Variants in COX15 observed in about 807,000 individuals in gnomAD.
COX15 encodes the protein cytochrome c oxidase assembly factor COX15.
COX15 carries 51 observed loss-of-function variants against 51.9 expected under a neutral mutation model. The observed-to-expected ratio is 0.98, with a 90% CI of 0.78 to 1.24. The LOEUF is 1.24. Ranked by LOEUF, COX15 falls within the 50% of genes most tolerant of loss-of-function variation. The pLI is 0.00. For missense variants in COX15, 420 were observed against 501.1 expected (o/e 0.84, Z 1.55); for synonymous variants, 188 against 190.5 (o/e 0.99, Z 0.11).
At chr10:99,705,078 G>A in the COX15 span, 4 of 211,774 alleles carry the variant, frequency 1.9e-5, no homozygotes, top group Admixed American at 2.1e-4. Context: ...TACAAAGCCA[G>A]AGACATTCTA....
rs769233217 is a variant in COX15 at position 99,724,130 on chromosome 10, C to T, written c.583-7G>A. 1 of 1,613,998 alleles carries T rather than the reference C, an allele frequency of 6.2e-7. No individual in the cohort carries two copies. Among genetic ancestry groups the T allele is most frequent in the Non-Finnish European group, 8.5e-7 (1 of 1,179,954 alleles). ...TATACCATCCCAACAGACCCTAGAA[C>T]CCCCAAGAGATGAAGCAAACAAAAC... On this transcript the variant is annotated splice_region_variant and splice_polypyrimidine_tract_variant and intron_variant, in intron 4 of 8. Transcript: ENST00000016171.
chr10:99,731,301 C>G (rs1040889648), intron 1 of COX15, among the ~76,000 whole-genome samples: 9 of 152,290 alleles, frequency 5.9e-5, no homozygotes, highest in Non-Finnish European at 7.3e-5. Context: ...AGCTTTGTTT[C>G]TAACACTGTT....
chr10:99,696,184 A>T, the COX15 span: 1 of 1,567,464 alleles, frequency 6.4e-7, no homozygotes, highest in South Asian at 1.2e-5. Context: ...TATTAGGGAG[A>T]AATACTCACA....
chr10:99,718,341 C>CT lies in COX15; in HGVS notation c.987+4dup. The CT allele has an allele frequency of 6.2e-7, 1 of 1,614,138 alleles. No homozygotes were observed. The highest frequency in any genetic ancestry group is 8.5e-7 in the Non-Finnish European group (1 of 1,180,016). Reference sequence around the variant, plus strand: ...CTCTGGCAGGTAACCACCAACTACACTTACCAGAATCCGGTGATCAAACTG... The same window carrying CT: ...CTCTGGCAGGTAACCACCAACTACACTTTACCAGAATCCGGTGATCAAACTG... On this transcript the variant is annotated splice_donor_region_variant and intron_variant, in intron 7 of 8. Coordinates refer to ENST00000016171, the MANE Select transcript of COX15 (RefSeq NM_078470.6).
At chr10:99,728,863 C>T (rs1335671455) in intron 2 of COX15, among the ~76,000 whole-genome samples, 3 of 152,190 alleles carry the variant, frequency 2.0e-5, no homozygotes, top group Non-Finnish European at 4.4e-5. Flanking sequence ...AATCTATAGT[C>T]TCTTGATAGA....
intron 1 of COX15, 108 bp from the exon 2 acceptor site, chr10:99,729,842 T>C: frequency 9.2e-7 from 1 of 1,082,118 alleles, no homozygotes; most frequent in Non-Finnish European, 1.4e-6. Flanking sequence ...CCCACAGCCA[T>C]GTCTTGTTAA....
intron 4 of COX15, 80 bp downstream of exon 4, chr10:99,726,887 CA>C (rs5787356): frequency 0.029 from 26,821 of 912,310 alleles, 2 homozygotes; most frequent in East Asian, 0.037. Flanking sequence ...GACTCCGTCT[CA>C]AAAAAAAAAA....
Position 99,711,252 on chromosome 10 carries a change from A to G in COX15, c.*3335T>C. 1 of 985,394 alleles carries G rather than the reference A, an allele frequency of 1.0e-6. No homozygotes were observed. The highest frequency in any genetic ancestry group is 1.2e-6 in the Non-Finnish European group (1 of 829,914). 61.0% of individuals were successfully genotyped at this position (985,394 alleles called of 1,614,324 possible). A position where few individuals can be genotyped will look rare whatever the true frequency, so the allele number is the denominator to read the frequency against. ...CATCTGAAACCTTAACTTACTCATG[A>G]GTTGCTACTTCCTTGGAGGCAACTG... On this transcript the variant is annotated 3_prime_UTR_variant, in exon 9 of 9. Transcript: ENST00000016171.
At chr10:99,718,606 C>A in intron 6 of COX15, 106 bp from the exon 7 acceptor site, 2 of 1,159,682 alleles carry the variant, frequency 1.7e-6, no homozygotes, top group Middle Eastern at 2.0e-4. Context: ...ACTAAGGGAA[C>A]AGTCAGAGAA....
intron 1 of COX15, 102 bp from the exon 2 acceptor site, chr10:99,729,836 C>T (rs1590107855): frequency 1.8e-6 from 2 of 1,112,250 alleles, no homozygotes; most frequent in East Asian, 2.5e-5. Flanking sequence ...AGCATCCCCA[C>T]AGCCATGTCT....
At chr10:99,719,615 T>TGA (rs2036696114) in intron 6 of COX15, among the ~76,000 whole-genome samples, 1 of 151,916 alleles carries the variant, frequency 6.6e-6, no homozygotes, top group East Asian at 1.9e-4. Context: ...CTCAGCCCCC[T>TGA]GAGTAGCTGA....
chr10:99,705,225 TC>T, the COX15 span: 1 of 159,192 alleles, frequency 6.3e-6, no homozygotes, highest in East Asian at 1.8e-4. Flanking sequence ...TGATATAACT[TC>T]CTTGCTTCCT....
At position 99,713,286 on chromosome 10, in the gene COX15, T is replaced by C; in HGVS notation, c.*1301A>G. 5 of 1,547,130 alleles carry C rather than the reference T, an allele frequency of 3.2e-6. No individual in the cohort carries two copies. Among genetic ancestry groups the C allele is most frequent in the South Asian group, 1.1e-5 (1 of 87,118 alleles). On this transcript the variant is annotated 3_prime_UTR_variant, in exon 9 of 9. Coordinates refer to ENST00000016171, the MANE Select transcript of COX15 (RefSeq NM_078470.6). ...CTTCAGCCCAAACTTATACAACTTA[T>C]TTAATTTAAATGAGTATGTTACATT...
the COX15 span, chr10:99,705,735 G>C: frequency 6.6e-6 from 1 of 152,180 alleles, no homozygotes; most frequent in Non-Finnish European, 1.5e-5. Context: ...ATGACTCTTG[G>C]AATGTCTGAA....
intron 1 of COX15, 140 bp downstream of exon 1, chr10:99,731,820 G>A: frequency 1.9e-6 from 2 of 1,055,876 alleles, no homozygotes; most frequent in South Asian, 1.4e-5. Context: ...CTGAACCTAG[G>A]GGCTCTGATC....
chr10:99,729,808 AT>A, intron 1 of COX15, 74 bp from the exon 2 acceptor site: 2 of 1,459,410 alleles, frequency 1.4e-6, no homozygotes, highest in Non-Finnish European at 1.9e-6. Context: ...CCCCATTCTG[AT>A]TAGCGCGAAG....
chr10:99,715,726 C>T (rs2036547625), intron 8 of COX15, among the ~76,000 whole-genome samples: 1 of 151,208 alleles, frequency 6.6e-6, no homozygotes, highest in Admixed American at 6.6e-5. Flanking sequence ...TTGAAAGTAT[C>T]CATTTTCCTA....
At position 99,718,763 on chromosome 10, in the gene COX15, G is replaced by T. The variant is rs569954367; in HGVS notation, c.833-263C>A. ...GTGGAGTAGAGGCTGTGGTGTGGGG[G>T]GAGGGGGAGAGGCTTATTAGCTTAG... On this transcript the variant is annotated intron_variant, in intron 6 of 8. Transcript: ENST00000016171. Among the ~76,000 whole-genome samples, 293 of 152,194 alleles carry T rather than the reference G, an allele frequency of 1.9e-3. 1 individual carries two copies. The highest frequency in any genetic ancestry group is 2.9e-3 in the Non-Finnish European group (197 of 67,998).
At position 99,714,633 on chromosome 10, in the gene COX15, G is replaced by C. The variant is rs757096904; in HGVS notation, c.1187C>G (p.Thr396Ser). The part of the protein sequence containing the change: ...THQSGSLALL[T>S]GALWLMNELR... ...TTCATTCATCAGCCAAAGAGCACCA[G>C]TGAGCAAAGCCAAGGAGCCTGACTG... Residue 396 changes from threonine to serine, a missense_variant, in exon 9 of 9, where the codon ACT (threonine) becomes AGT (serine). By Grantham distance (58) the Thr-to-Ser change is moderately conservative (BLOSUM62 1). Coordinates refer to ENST00000016171, the MANE Select transcript of COX15 (RefSeq NM_078470.6). 5.6e-6 allele frequency: 9 copies of C among 1,614,040 alleles called. No homozygotes were observed. The highest frequency in any genetic ancestry group is 1.3e-5 in the African/African-American group (1 of 74,940).
Sources: allele counts gnomAD v4.1 joint callset (sites outside exome capture counted in the v4.1 genomes callset), GRCh38; gene constraint gnomAD v4.1.1; transcripts MANE v1.5; gene names NCBI Gene and HGNC (gene_info 2026-07-23, HGNC 2026-07-21).